CCDC192: variants seen among roughly 807,000 people sequenced by gnomAD.
CCDC192 encodes the protein coiled-coil domain-containing protein 192.
intron 5 of CCDC192, among the ~76,000 whole-genome samples, chr5:127,820,817 A>G (rs1440103870): frequency 2.0e-5 from 3 of 152,148 alleles, no homozygotes; most frequent in Non-Finnish European, 2.9e-5. Flanking sequence ...AGTTTGTCAG[A>G]CATACTTACA....
intron 4 of CCDC192, among the ~76,000 whole-genome samples, chr5:127,797,634 T>C (rs2126968912): frequency 6.6e-6 from 1 of 150,844 alleles, no homozygotes; most frequent in South Asian, 2.1e-4. Context: ...AATCTCTGAA[T>C]ATCTGAGCAT....
Position 127,703,428 on chromosome 5 carries a change from C to A in CCDC192, c.-18C>A. On this transcript the variant is annotated 5_prime_UTR_variant, in exon 1 of 7. Transcript: ENST00000514853. ...CGTCTGTCCCAGGGACAGGGGATCCCAGTGGGTCTGGCTTGAGATGGGACA... is the reference window on the plus strand; with the variant it reads ...CGTCTGTCCCAGGGACAGGGGATCCAAGTGGGTCTGGCTTGAGATGGGACA... The A allele has an allele frequency of 2.5e-6, 1 of 399,016 alleles. No individual in the cohort carries two copies. The allele number at this position is 399,016 out of a possible 1,614,324, so 24.7% of individuals were successfully genotyped here.
intron 6 of CCDC192, among the ~76,000 whole-genome samples, chr5:127,899,257 C>T (rs571778980): frequency 3.0e-4 from 46 of 152,150 alleles, no homozygotes; most frequent in Non-Finnish European, 6.5e-4. Flanking sequence ...AGGGATCATT[C>T]TCTATACAGA....
intron 3 of CCDC192, among the ~76,000 whole-genome samples, chr5:127,770,220 C>G: frequency 6.6e-6 from 1 of 152,172 alleles, no homozygotes; most frequent in Non-Finnish European, 1.5e-5. Flanking sequence ...AGGTAGCTGA[C>G]ATTACAGGTG....
chr5:127,896,740 C>T (rs528896652), intron 6 of CCDC192, among the ~76,000 whole-genome samples: 22 of 152,144 alleles, frequency 1.4e-4, no homozygotes, highest in Admixed American at 7.2e-4. Context: ...GCCACTGTGC[C>T]CAGCTGATTC....
intron 5 of CCDC192, among the ~76,000 whole-genome samples, chr5:127,846,760 G>A (rs540482360): frequency 2.2e-5 from 3 of 139,116 alleles, no homozygotes; most frequent in African/African-American, 5.5e-5. Flanking sequence ...GTGAGCCACC[G>A]CGCTTGGCCA....
intron 5 of CCDC192, among the ~76,000 whole-genome samples, chr5:127,801,592 T>C (rs1270585159): frequency 2.0e-5 from 3 of 152,220 alleles, no homozygotes; most frequent in Non-Finnish European, 4.4e-5. Context: ...TCTCTTAAAC[T>C]GGAATATCCT....
At chr5:127,908,390 G>A (rs540818742) in intron 6 of CCDC192, among the ~76,000 whole-genome samples, 3 of 152,084 alleles carry the variant, frequency 2.0e-5, no homozygotes, top group African/African-American at 7.2e-5. Flanking sequence ...ATATGAACAG[G>A]GTTTTTCTAA....
intron 5 of CCDC192, among the ~76,000 whole-genome samples, chr5:127,815,012 T>A (rs1748931544): frequency 6.6e-6 from 1 of 152,218 alleles, no homozygotes; most frequent in South Asian, 2.1e-4. Flanking sequence ...AAAATATAAT[T>A]CTTTGCACCT....
At chr5:127,928,370 C>A (rs533672496) in intron 6 of CCDC192, among the ~76,000 whole-genome samples, 2 of 152,206 alleles carry the variant, frequency 1.3e-5, no homozygotes, top group Non-Finnish European at 2.9e-5. Context: ...AGGCCACTTA[C>A]ATTCCTTGGC....
intron 5 of CCDC192, among the ~76,000 whole-genome samples, chr5:127,818,090 A>G (rs559688976): frequency 3.7e-4 from 56 of 152,278 alleles, no homozygotes; most frequent in African/African-American, 1.3e-3. Flanking sequence ...TTCCCAAATC[A>G]CTGCTCTAAA....
chr5:127,895,908 C>T (rs1270959756), intron 6 of CCDC192, among the ~76,000 whole-genome samples: 1 of 151,000 alleles, frequency 6.6e-6, no homozygotes, highest in East Asian at 1.9e-4. Flanking sequence ...TTAGCTTGTT[C>T]TTAGAAGGAG....
At chr5:127,786,179 A>T (rs1756526383) in intron 3 of CCDC192, 1 of 919,070 alleles carries the variant, frequency 1.1e-6, no homozygotes, top group Admixed American at 1.8e-5. Context: ...ACTTTCTCAC[A>T]TTTCCTTGCT....
chr5:127,837,369 A>G (rs1324674426), intron 5 of CCDC192, among the ~76,000 whole-genome samples: 1 of 81,390 alleles, frequency 1.2e-5, no homozygotes, highest in African/African-American at 4.1e-5. Flanking sequence ...CACATCTTAT[A>G]TAGTGGCAGG....
intron 6 of CCDC192, among the ~76,000 whole-genome samples, chr5:127,913,148 T>C (rs1183501007): frequency 6.6e-6 from 1 of 152,222 alleles, no homozygotes; most frequent in Non-Finnish European, 1.5e-5. Flanking sequence ...TTTTCAGCTG[T>C]GACCTGGGGT....
At chr5:127,833,856 CT>C (rs1392698414) in intron 5 of CCDC192, among the ~76,000 whole-genome samples, 1 of 152,100 alleles carries the variant, frequency 6.6e-6, no homozygotes. Context: ...GAAAATTTCT[CT>C]TCTATCATAC....
chr5:127,785,459 T>C (rs1756487206), intron 3 of CCDC192: 1 of 242,802 alleles, frequency 4.1e-6, no homozygotes, highest in African/African-American at 2.3e-5. Flanking sequence ...AACCACAAGC[T>C]TGCTTTAACT....
At chr5:127,819,682 A>G (rs902411547) in intron 5 of CCDC192, among the ~76,000 whole-genome samples, 6 of 152,170 alleles carry the variant, frequency 3.9e-5, no homozygotes, top group Admixed American at 3.3e-4. Context: ...AATCTATTTT[A>G]TAGATTGCAC....
intron 2 of CCDC192, among the ~76,000 whole-genome samples, chr5:127,727,289 A>T (rs1752382880): frequency 6.6e-6 from 1 of 152,150 alleles, no homozygotes; most frequent in African/African-American, 2.4e-5. Flanking sequence ...CCTGACCAGC[A>T]TGGAGAAACC....
Sources: allele counts gnomAD v4.1 joint callset (sites outside exome capture counted in the v4.1 genomes callset), GRCh38; gene constraint gnomAD v4.1.1; transcripts MANE v1.5; gene names NCBI Gene and HGNC (gene_info 2026-07-23, HGNC 2026-07-21).